Variants in RALGDS observed in about 807,000 individuals in gnomAD.
The protein encoded by RALGDS is ral guanine nucleotide exchange factor.
Under a neutral mutation model 99.8 loss-of-function variants are expected in RALGDS, and 44 were observed. That is an observed-to-expected ratio of 0.44 (90% CI 0.35 to 0.57). The LOEUF is 0.57. RALGDS is among the 20% of genes least tolerant of loss of function. The pLI, the probability that RALGDS is intolerant of heterozygous loss-of-function variation, is 0.01. For missense variants in RALGDS, 1,022 were observed against 1,203.1 expected (o/e 0.85, Z 2.23); for synonymous variants, 529 against 505.0 (o/e 1.05, Z -0.64).
chr9:133,123,743 CAG>C (rs1564247391), upstream of RALGDS, among the ~76,000 whole-genome samples: 1 of 102,712 alleles, frequency 9.7e-6, no homozygotes, highest in Non-Finnish European at 2.2e-5. Context: ...CACATAGAGA[CAG>C]AGACACAGAC....
chr9:133,117,357 C>G (rs768174973), intron 1 of RALGDS, among the ~76,000 whole-genome samples: 16 of 152,232 alleles, frequency 1.1e-4, no homozygotes, highest in Non-Finnish European at 1.2e-4. Context: ...GCATAGCTCT[C>G]TTCTCTCCAG....
At chr9:133,104,573 A>C in intron 9 of RALGDS, 2 of 529,160 alleles carry the variant, frequency 3.8e-6, no homozygotes, top group Non-Finnish European at 6.9e-6. Flanking sequence ...GCATTTTGGA[A>C]GGCCAAGGCA....
At position 133,101,754 on chromosome 9, in the gene RALGDS, T is replaced by C; in HGVS notation, c.2220A>G (p.Glu740=). 6.2e-7 allele frequency: 1 copy of C among 1,608,344 alleles called. No individual in the cohort carries two copies. Among genetic ancestry groups the C allele is most frequent in the Non-Finnish European group, 8.5e-7 (1 of 1,177,330 alleles). Residue 740 remains glutamate (E), a synonymous_variant, in exon 16 of 18, where the codon GAA becomes GAG. Coordinates refer to ENST00000372050, the MANE Select transcript of RALGDS (RefSeq NM_006266.4). ...SPDGQEKKFW[E]SASQSSPETS... ...TCTCCGGGGATGACTGTGAGGCTGATTCCCAGAACTGAGGGAGACGGTAAG... is the reference window on the plus strand; with the variant it reads ...TCTCCGGGGATGACTGTGAGGCTGACTCCCAGAACTGAGGGAGACGGTAAG...
chr9:133,106,337 T>C (rs1831054599), intron 8 of RALGDS, among the ~76,000 whole-genome samples: 1 of 152,198 alleles, frequency 6.6e-6, no homozygotes. Context: ...CAAGAAATTC[T>C]CCTGCCTCAG....
chr9:133,108,689 A>C lies in RALGDS; in HGVS notation c.762T>G (p.Ile254Met). The C allele has an allele frequency of 6.2e-7, 1 of 1,613,502 alleles. No individual in the cohort carries two copies. Among genetic ancestry groups the C allele is most frequent in the Non-Finnish European group, 8.5e-7 (1 of 1,179,960 alleles). ...CCTCCTCACCCTCAGGCTCTGCCTC[A>C]ATGGGTTCCGAGTGCTCCAGCTGGG... ...LLAQLEHSEP[I>M]EAEPEALSPV... Residue 254 changes from isoleucine (I) to methionine (M), a missense_variant, in exon 5 of 18, where the codon ATT becomes ATG. Transcript: ENST00000372050.
intron 1 of RALGDS, among the ~76,000 whole-genome samples, chr9:133,136,925 C>G (rs935734539): frequency 5.9e-5 from 9 of 152,058 alleles, no homozygotes; most frequent in Non-Finnish European, 1.0e-4. Context: ...GGCGACAGAG[C>G]AAGACTTCGT....
At position 133,101,674 on chromosome 9, in the gene RALGDS, G is replaced by A. The variant is rs143871051; in HGVS notation, c.2300C>T (p.Thr767Met). 3.7e-6 allele frequency: 6 copies of A among 1,613,824 alleles called. No individual in the cohort carries two copies. Among genetic ancestry groups the A allele is most frequent in the East Asian group, 2.2e-5 (1 of 44,896 alleles). ...GTGGGTGCGTGTGGCAGCCACGGGC[G>A]TGGTGGAGGCTGAGGAGGACGAGGT... is the stretch of plus-strand genomic sequence containing the variant. Reference protein sequence around the residue: ...SSTSSSSASTTPVAATRTHKR... With the variant: ...SSTSSSSASTMPVAATRTHKR... The change falls in exon 16 of 18, where the codon ACG becomes ATG. Residue 767 changes from threonine (T) to methionine (M), a missense_variant. Coordinates refer to ENST00000372050, the MANE Select transcript of RALGDS (RefSeq NM_006266.4).
At chr9:133,105,890 A>AGCCCCAGCCCCAGCCCCC (rs1564232247) in intron 9 of RALGDS, 42 bp downstream of exon 9, 1 of 19,886 alleles carries the variant, frequency 5.0e-5, no homozygotes, top group African/African-American at 1.6e-4. Flanking sequence ...CCCCCGCCCC[A>AGCCCCAGCCCCAGCCCCC]GCCCCCGCCC....
intron 11 of RALGDS, 155 bp downstream of exon 11, chr9:133,103,592 C>G: frequency 1.2e-6 from 1 of 851,666 alleles, no homozygotes; most frequent in Non-Finnish European, 2.0e-6. Flanking sequence ...CAGCCAAACC[C>G]TGCTGCAGCT....
intron 1 of RALGDS, among the ~76,000 whole-genome samples, chr9:133,138,922 C>T (rs1832469987): frequency 6.6e-6 from 1 of 152,216 alleles, no homozygotes; most frequent in South Asian, 2.1e-4. Context: ...GCATGAGCCA[C>T]CGCACCTGTC....
chr9:133,114,766 A>G (rs1296967955), intron 1 of RALGDS, among the ~76,000 whole-genome samples: 1 of 152,214 alleles, frequency 6.6e-6, no homozygotes, highest in Admixed American at 6.5e-5. Context: ...TGTGTCCTCA[A>G]GGGACACTCC....
intron 1 of RALGDS, among the ~76,000 whole-genome samples, chr9:133,148,747 C>G (rs1262312927): frequency 2.0e-5 from 3 of 152,240 alleles, no homozygotes; most frequent in African/African-American, 7.2e-5. Flanking sequence ...CTCCCTTCAT[C>G]TCTGGACTCC....
Position 133,144,509 on chromosome 9 carries a change from G to A in RALGDS, c.18+4454C>T, listed in dbSNP as rs1832591614. Among the ~76,000 whole-genome samples the A allele has an allele frequency of 6.6e-6, 1 of 152,234 alleles. No homozygotes were observed. Among genetic ancestry groups the A allele is most frequent in the South Asian group, 2.1e-4 (1 of 4,828 alleles). On this transcript the variant is annotated intron_variant, in intron 1 of 17. Transcript: ENST00000393160. The surrounding 1 kb of genome is among the most constrained non-coding windows in gnomAD (Gnocchi z 4.5). ...CCGTGCCCCTGGCCTGTTTACAGCT[G>A]TGCGCAAGCTCCTCGCGACCCGAAA...
At chr9:133,128,781 A>G (rs1020703193) in intron 1 of RALGDS, among the ~76,000 whole-genome samples, 2 of 152,138 alleles carry the variant, frequency 1.3e-5, no homozygotes. Context: ...ACCAGCTCTC[A>G]GGCTTCTCAG....
intron 3 of RALGDS, 77 bp downstream of exon 3, chr9:133,110,219 T>C (rs548050684): frequency 1.4e-5 from 20 of 1,441,006 alleles, no homozygotes; most frequent in Non-Finnish European, 1.8e-5. Context: ...TGAATCAGCA[T>C]TGCCAAGACC....
chr9:133,106,778 T>A, intron 7 of RALGDS, 30 bp from the exon 8 acceptor site: 1 of 1,531,244 alleles, frequency 6.5e-7, no homozygotes, highest in South Asian at 1.1e-5. Flanking sequence ...AGGCATGAGG[T>A]GGGGCTGGAG....
At chr9:133,109,829 T>C in intron 3 of RALGDS, 108 bp from the exon 4 acceptor site, 1 of 831,328 alleles carries the variant, frequency 1.2e-6, no homozygotes, top group Non-Finnish European at 2.0e-6. Flanking sequence ...ATTAAATGCC[T>C]AGAAAAGGGC....
rs1257299222 is a variant in RALGDS, at chr9:133,108,831, T to A, written c.620A>T (p.Gln207Leu). 1 of 1,613,150 alleles carries A rather than the reference T, an allele frequency of 6.2e-7. No individual in the cohort carries two copies. ...ISSILGTWLD[Q>L]YSEDFCQPPD... ...AGGTTGACAGAAATCCTCCGAGTAC[T>A]GGTCCAGCCAGGTGCCCAGGATGGA... The change falls in exon 5 of 18, where the codon CAG becomes CTG. Residue 207 changes from glutamine to leucine, a missense_variant. Physicochemically the swap from Gln to Leu is moderately radical, Grantham distance 113 (BLOSUM62 -2). Transcript: ENST00000372050.
intron 12 of RALGDS, among the ~76,000 whole-genome samples, 161 bp from the exon 13 acceptor site, chr9:133,103,061 G>C (rs963969890): frequency 2.0e-5 from 3 of 152,088 alleles, no homozygotes; most frequent in African/African-American, 7.2e-5. Flanking sequence ...AGGTGGTCCT[G>C]GATTATAACC....
Sources: gnomAD v4.1 joint callset for allele counts (sites outside exome capture counted in the v4.1 genomes callset) on GRCh38, gnomAD v4.1.1 for gene constraint, Gnocchi (gnomAD v3.1) non-coding constraint, MANE v1.5 for transcripts, NCBI Gene and HGNC (gene_info 2026-07-23, HGNC 2026-07-21) for gene names.